The following PRKD1 variants were observed in gnomAD, a reference collection of about 807,000 sequenced individuals.
The protein encoded by PRKD1 is serine/threonine-protein kinase D1.
Under a neutral mutation model 95.9 loss-of-function variants are expected in PRKD1, and 63 were observed. The ratio of observed to expected loss-of-function variants is 0.66; its 90% confidence interval spans 0.54 to 0.81. The LOEUF (loss-of-function observed/expected upper bound fraction) is 0.81, where lower values mean the gene tolerates loss of function less well. PRKD1 is among the 30% of genes least tolerant of loss of function. The pLI is 0.00. For synonymous variants in PRKD1, 425 were observed against 423.1 expected (o/e 1.00, Z -0.05); for missense variants, 1,048 against 1,165.3 (o/e 0.90, Z 1.47).
intron 1 of PRKD1, among the ~76,000 whole-genome samples, chr14:29,924,220 C>A (rs1375541707): frequency 1.3e-5 from 2 of 152,110 alleles, no homozygotes; most frequent in Non-Finnish European, 2.9e-5. Flanking sequence ...AGATTTTTCA[C>A]CTAAACTAGA....
intron 1 of PRKD1, among the ~76,000 whole-genome samples, chr14:29,890,810 A>G (rs2139412415): frequency 6.6e-6 from 1 of 152,306 alleles, no homozygotes; most frequent in East Asian, 1.9e-4. Flanking sequence ...CATACCCTTA[A>G]CAAATAAAGA....
At chr14:29,623,107 C>T (rs973672004) in intron 13 of PRKD1, among the ~76,000 whole-genome samples, 5 of 152,176 alleles carry the variant, frequency 3.3e-5, no homozygotes, top group African/African-American at 1.2e-4. Flanking sequence ...TAATTAGTAT[C>T]TTCACATCCA....
Position 29,581,383 on chromosome 14 carries a change from A to G in PRKD1, c.2435-3023T>C, listed in dbSNP as rs143324013. Among the ~76,000 whole-genome samples, 670 of 152,276 alleles carry G rather than the reference A, an allele frequency of 4.4e-3. 4 individuals carry two copies. The highest frequency in any genetic ancestry group is 0.016 in the African/African-American group (646 of 41,546). ...AGGGGTTTTCATTCTTTTTTAAAAA[A>G]TTACATTCATATTCTTATTTAGTCC... is the stretch of plus-strand genomic sequence containing the variant. On this transcript the variant is annotated intron_variant, in intron 16 of 17. Coordinates refer to ENST00000331968, the MANE Select transcript of PRKD1 (RefSeq NM_002742.3).
At chr14:29,646,508 T>C (rs1355658819) in intron 4 of PRKD1, among the ~76,000 whole-genome samples, 2 of 150,542 alleles carry the variant, frequency 1.3e-5, no homozygotes, top group Non-Finnish European at 2.9e-5. Flanking sequence ...CAAAAATATA[T>C]ATGCCTACTA....
chr14:29,597,040 T>C (rs1438087136), intron 16 of PRKD1, among the ~76,000 whole-genome samples: 1 of 152,136 alleles, frequency 6.6e-6, no homozygotes, highest in Non-Finnish European at 1.5e-5. Context: ...TAAAATATTA[T>C]ACATATTTTA....
chr14:29,775,595 G>T (rs1209817326), intron 1 of PRKD1, among the ~76,000 whole-genome samples: 1 of 152,148 alleles, frequency 6.6e-6, no homozygotes, highest in Non-Finnish European at 1.5e-5. Flanking sequence ...GCAAGTCTTG[G>T]GGAGGGGCAT....
chr14:29,660,709 G>C (rs994208842), intron 4 of PRKD1, among the ~76,000 whole-genome samples: 11 of 151,966 alleles, frequency 7.2e-5, no homozygotes, highest in African/African-American at 2.7e-4. Flanking sequence ...AATACCACAA[G>C]AACACATGTA....
intron 1 of PRKD1, among the ~76,000 whole-genome samples, chr14:29,897,328 GT>G (rs1462249270): frequency 2.6e-5 from 4 of 151,980 alleles, no homozygotes; most frequent in Non-Finnish European, 5.9e-5. Flanking sequence ...TATTTGAGTT[GT>G]TTGCTATTTG....
intron 2 of PRKD1, among the ~76,000 whole-genome samples, chr14:29,699,361 G>A (rs67405497): frequency 6.6e-6 from 1 of 152,098 alleles, no homozygotes; most frequent in African/African-American, 2.4e-5. Context: ...CTGTCTGCTA[G>A]GTGAAAGATT....
chr14:29,924,817 C>G (rs1025935453), intron 1 of PRKD1, among the ~76,000 whole-genome samples: 1 of 152,146 alleles, frequency 6.6e-6, no homozygotes, highest in South Asian at 2.1e-4. Flanking sequence ...TAACTCCACA[C>G]TGACACTCTG....
chr14:29,643,663 C>T (rs1426205891), intron 4 of PRKD1, among the ~76,000 whole-genome samples: 3 of 152,140 alleles, frequency 2.0e-5, no homozygotes, highest in Non-Finnish European at 4.4e-5. Context: ...AAATAATTTC[C>T]CAACAAGGTA....
At chr14:29,656,304 G>A (rs943430125) in intron 4 of PRKD1, among the ~76,000 whole-genome samples, 20 of 152,210 alleles carry the variant, frequency 1.3e-4, no homozygotes, top group African/African-American at 4.6e-4. Context: ...CAGGACAAAA[G>A]CAAGGAAAAC....
intron 12 of PRKD1, among the ~76,000 whole-genome samples, chr14:29,624,857 G>C (rs542333692): frequency 6.6e-6 from 1 of 152,228 alleles, no homozygotes; most frequent in African/African-American, 2.4e-5. Flanking sequence ...GGCCCTTTAT[G>C]TATATTACAC....
At chr14:29,637,094 T>C (rs1433608134) in intron 6 of PRKD1, among the ~76,000 whole-genome samples, 1 of 152,148 alleles carries the variant, frequency 6.6e-6, no homozygotes, top group African/African-American at 2.4e-5. Context: ...AGAAGTAAAA[T>C]GCTAGAAGGC....
intron 4 of PRKD1, among the ~76,000 whole-genome samples, chr14:29,643,005 T>C (rs1191597): frequency 0.49 from 74,670 of 151,736 alleles, 20,135 homozygotes; most frequent in East Asian, 0.68. Context: ...GAGAAAAAAA[T>C]GGCTCAAAAC....
chr14:29,653,951 A>G (rs1881675038), intron 4 of PRKD1, among the ~76,000 whole-genome samples: 1 of 152,324 alleles, frequency 6.6e-6, no homozygotes, highest in African/African-American at 2.4e-5. Context: ...TATATTTCAA[A>G]TTAGCAGGGA....
intron 1 of PRKD1, among the ~76,000 whole-genome samples, chr14:29,882,529 A>C (rs569944948): frequency 6.6e-6 from 1 of 152,312 alleles, no homozygotes; most frequent in East Asian, 1.9e-4. Flanking sequence ...ATATGACATA[A>C]AATTTACCAT....
intron 1 of PRKD1, among the ~76,000 whole-genome samples, chr14:29,738,747 TTC>T (rs1355271002): frequency 1.3e-5 from 2 of 150,474 alleles, no homozygotes; most frequent in East Asian, 2.0e-4. Flanking sequence ...AGCCCAATGC[TTC>T]TTTCTTTCTT....
At chr14:29,663,907 A>G (rs900497969) in intron 3 of PRKD1, 48 bp from the exon 4 acceptor site, 1 of 1,564,254 alleles carries the variant, frequency 6.4e-7, no homozygotes, top group East Asian at 2.2e-5. Flanking sequence ...TAAATTAAAA[A>G]GTGATTCCAA....
Sources: allele counts gnomAD v4.1 joint callset (sites outside exome capture counted in the v4.1 genomes callset), GRCh38; gene constraint gnomAD v4.1.1; transcripts MANE v1.5; gene names NCBI Gene and HGNC (gene_info 2026-07-23, HGNC 2026-07-21).